Variants in CCDC171 observed in about 807,000 individuals in gnomAD.
The protein encoded by CCDC171 is coiled-coil domain containing 171.
In CCDC171, 177 loss-of-function variants were observed where a neutral mutation model predicts 168.2. That is an observed-to-expected ratio of 1.05 (90% CI 0.93 to 1.19). The LOEUF is 1.19. Ranked by LOEUF, CCDC171 falls within the 50% of genes most tolerant of loss-of-function variation. The probability of loss-of-function intolerance (pLI) is 0.00; values close to 1 mark genes in which losing one functional copy is unlikely to be tolerated. For missense variants in CCDC171, 1,991 were observed against 1,539.0 expected, an observed-to-expected ratio of 1.29 and a Z score of -4.91; for synonymous variants, 687 against 540.8, an observed-to-expected ratio of 1.27 and a Z score of -3.75.
At chr9:15,757,108 C>T (rs1306714258) in intron 18 of CCDC171, among the ~76,000 whole-genome samples, 1 of 152,106 alleles carries the variant, frequency 6.6e-6, no homozygotes, top group Non-Finnish European at 1.5e-5. Flanking sequence ...GGAAAGATAC[C>T]TGAAAATGTT....
At chr9:15,554,298 G>C (rs905290546) in intron 1 of CCDC171, among the ~76,000 whole-genome samples, 12 of 152,218 alleles carry the variant, frequency 7.9e-5, no homozygotes, top group African/African-American at 2.9e-4. Flanking sequence ...GGGATTACAG[G>C]CGTGAGCCAC....
chr9:16,061,411 T>G (rs796600773), downstream of CCDC171: 5 of 152,352 alleles, frequency 3.3e-5, no homozygotes, highest in African/African-American at 1.2e-4. Context: ...TCTTAATCTA[T>G]TAGATCCCAT....
intron 11 of CCDC171, among the ~76,000 whole-genome samples, chr9:15,701,028 A>T (rs890447496): frequency 6.6e-6 from 1 of 151,958 alleles, no homozygotes; most frequent in Non-Finnish European, 1.5e-5. Context: ...GGCCATTAGT[A>T]TGTCTTCTTT....
At chr9:16,081,166 C>A in the CCDC171 span, among the ~76,000 whole-genome samples, 1 of 152,222 alleles carries the variant, frequency 6.6e-6, no homozygotes, top group African/African-American at 2.4e-5. Flanking sequence ...TGGGTTCTAA[C>A]ATGGACATTG....
chr9:15,835,337 C>T lies in CCDC171; in HGVS notation c.3268-11365C>T, dbSNP rs1229398716. The stretch of plus-strand genomic sequence containing the variant: ...TTTCCTGTCTTTGTTTACTAGAGCA[C>T]ATTAAAAATCAGTTTTAATTACTAT... On this transcript the variant is annotated intron_variant, in intron 21 of 25. Coordinates refer to ENST00000380701, the MANE Select transcript of CCDC171 (RefSeq NM_173550.4). Among the ~76,000 whole-genome samples, 3 of 152,296 alleles carry T rather than the reference C, an allele frequency of 2.0e-5. No individual in the cohort carries two copies. The East Asian group carries it at 5.8e-4, about 29-fold the overall frequency.
intron 24 of CCDC171, chr9:15,886,375 C>T (rs1051356298): frequency 4.6e-5 from 7 of 152,042 alleles, no homozygotes; most frequent in African/African-American, 7.3e-5. Flanking sequence ...TGTTCAACAC[C>T]GCTAACCATT....
intron 3 of CCDC171, among the ~76,000 whole-genome samples, chr9:15,982,345 C>T (rs368043391): frequency 1.3e-5 from 2 of 152,128 alleles, no homozygotes; most frequent in South Asian, 2.1e-4. Context: ...TATTTAACCT[C>T]GTGAACCTCA....
chr9:16,084,644 A>G, the CCDC171 span, among the ~76,000 whole-genome samples: 1 of 152,176 alleles, frequency 6.6e-6, no homozygotes, highest in African/African-American at 2.4e-5. Flanking sequence ...CCTACTGCCT[A>G]TGTCCATCAA....
intron 21 of CCDC171, among the ~76,000 whole-genome samples, chr9:15,802,979 GT>G (rs1289132097): frequency 1.3e-5 from 2 of 152,052 alleles, no homozygotes; most frequent in African/African-American, 4.8e-5. Context: ...TCTCATTGTT[GT>G]TTTGATTTGC....
At chr9:15,693,126 G>T (rs1468058166) in intron 10 of CCDC171, among the ~76,000 whole-genome samples, 2 of 151,998 alleles carry the variant, frequency 1.3e-5, no homozygotes, top group Non-Finnish European at 2.9e-5. Flanking sequence ...GACAGAGCGA[G>T]ACTCTGTCTC....
intron 3 of CCDC171, among the ~76,000 whole-genome samples, chr9:15,574,181 G>A (rs2040451545): frequency 6.7e-6 from 1 of 150,208 alleles, no homozygotes; most frequent in Non-Finnish European, 1.5e-5. Context: ...CACTCAGTCT[G>A]TTGTCCAGGC....
chr9:15,558,513 A>T (rs1408747947), intron 1 of CCDC171, among the ~76,000 whole-genome samples: 1 of 151,988 alleles, frequency 6.6e-6, no homozygotes, highest in East Asian at 1.9e-4. Flanking sequence ...TTTCTAGTTT[A>T]TTTGCGTAGT....
At chr9:16,058,054 ATAAT>A (rs1564138876) in intron 1 of CCDC171, among the ~76,000 whole-genome samples, 3 of 147,050 alleles carry the variant, frequency 2.0e-5, no homozygotes, top group African/African-American at 7.7e-5. Context: ...AAAAAAAAAA[ATAAT>A]AATAATAATA....
intron 25 of CCDC171, among the ~76,000 whole-genome samples, chr9:15,947,953 C>G (rs1219194809): frequency 6.6e-6 from 1 of 151,612 alleles, no homozygotes; most frequent in East Asian, 2.0e-4. Flanking sequence ...TTGGGTATAT[C>G]TCCCAATGCT....
chr9:15,617,568 G>T (rs1185012526), intron 6 of CCDC171, among the ~76,000 whole-genome samples: 1 of 151,906 alleles, frequency 6.6e-6, no homozygotes, highest in East Asian at 1.9e-4. Flanking sequence ...AGTAGAGACG[G>T]GGTTTCACCA....
intron 9 of CCDC171, among the ~76,000 whole-genome samples, chr9:15,666,991 C>G (rs938781409): frequency 3.3e-5 from 5 of 152,132 alleles, no homozygotes; most frequent in African/African-American, 1.2e-4. Flanking sequence ...TTTAAAAAAT[C>G]TCTTTTACAG....
chr9:15,662,880 C>G (rs552905522), intron 8 of CCDC171, among the ~76,000 whole-genome samples: 15 of 152,176 alleles, frequency 9.9e-5, no homozygotes, highest in African/African-American at 3.1e-4. Context: ...ACTCAGGAGG[C>G]TGAGGCAGGG....
intron 8 of CCDC171, among the ~76,000 whole-genome samples, chr9:15,665,787 A>C (rs79610342): frequency 8.5e-4 from 130 of 152,296 alleles, no homozygotes; most frequent in African/African-American, 3.0e-3. Context: ...TCTCTTAAAA[A>C]ACCCAAACAT....
chr9:15,626,136 G>A (rs561663398), intron 7 of CCDC171, among the ~76,000 whole-genome samples: 1 of 152,190 alleles, frequency 6.6e-6, no homozygotes, highest in Non-Finnish European at 1.5e-5. Flanking sequence ...TGGTGTATAA[G>A]AATGCTTGTG....
Sources: allele counts gnomAD v4.1 joint callset (sites outside exome capture counted in the v4.1 genomes callset), GRCh38; gene constraint gnomAD v4.1.1; transcripts MANE v1.5; gene names NCBI Gene and HGNC (gene_info 2026-07-23, HGNC 2026-07-21).